PRKCE: variants seen among roughly 807,000 people sequenced by gnomAD.
PRKCE encodes protein kinase C epsilon type.
PRKCE carries 16 observed loss-of-function variants against 85.4 expected under a neutral mutation model. The observed-to-expected ratio is 0.19, with a 90% CI of 0.13 to 0.28. PRKCE has a LOEUF of 0.28. Among genes scored for constraint, PRKCE ranks in the 10% least tolerant of loss-of-function variants. PRKCE has a pLI of 1.00. For missense variants in PRKCE, 573 were observed against 975.2 expected (o/e 0.59, Z 5.49); for synonymous variants, 388 against 371.5 (o/e 1.04, Z -0.51).
Position 45,697,473 on chromosome 2 carries a change from T to G in PRKCE, c.348+45025T>G, listed in dbSNP as rs1678250523. ...ACTAACAAACAAAACCAAACCAGAG[T>G]GGAAATGGCAACCCGAGGCTCCCCA... On this transcript the variant is annotated intron_variant, in intron 1 of 14. Coordinates refer to ENST00000306156, the MANE Select transcript of PRKCE (RefSeq NM_005400.3). This position sits in a 1 kb window ranked among gnomAD's most constrained non-coding sequence, Gnocchi z 4.2. 6.6e-6 allele frequency among the ~76,000 whole-genome samples: 1 copy of G among 151,808 alleles called. No individual in the cohort carries two copies. Among genetic ancestry groups the G allele is most frequent in the African/African-American group, 2.4e-5 (1 of 41,284 alleles).
rs770491886 is a variant in PRKCE at position 46,010,385 on chromosome 2, T to G, written c.1305T>G (p.Ala435=). The change falls in exon 10 of 15, where the codon GCT becomes GCG. Residue 435 remains alanine, a synonymous_variant. Transcript: ENST00000306156. ...TCAAGGGCAAAGATGAAGTATATGCTGTGAAGGTCTTAAAGAAGGACGTCA... is the reference window on the plus strand; with the variant it reads ...TCAAGGGCAAAGATGAAGTATATGCGGTGAAGGTCTTAAAGAAGGACGTCA... The part of the protein sequence containing the change: ...AELKGKDEVY[A]VKVLKKDVIL... 19 of 1,599,660 alleles carry G rather than the reference T, an allele frequency of 1.2e-5. No individual in the cohort carries two copies. The South Asian group carries it at 2.0e-4, about 17-fold the overall frequency.
chr2:45,981,623 T>C (rs183924801), intron 5 of PRKCE, among the ~76,000 whole-genome samples: 71 of 152,326 alleles, frequency 4.7e-4, no homozygotes, highest in Admixed American at 3.8e-3. Flanking sequence ...CACCTGCACC[T>C]CCCGACTCCT....
chr2:45,813,483 T>C (rs917256839), intron 1 of PRKCE, among the ~76,000 whole-genome samples: 5 of 152,172 alleles, frequency 3.3e-5, no homozygotes, highest in Non-Finnish European at 7.4e-5. Flanking sequence ...TAGTTTGTTA[T>C]CCCCTTTCCT....
intron 1 of PRKCE, among the ~76,000 whole-genome samples, chr2:45,775,668 G>C (rs1026737628): frequency 6.6e-6 from 1 of 152,142 alleles, no homozygotes; most frequent in East Asian, 1.9e-4. Context: ...CAGGGAACTT[G>C]CAGTCACCTC....
At chr2:46,105,770 G>A (rs1423500884) in intron 11 of PRKCE, among the ~76,000 whole-genome samples, 2 of 152,124 alleles carry the variant, frequency 1.3e-5, no homozygotes, top group African/African-American at 4.8e-5. Flanking sequence ...CAACACTTGA[G>A]CTTACCACAA....
chr2:46,003,397 T>C (rs972479271), intron 7 of PRKCE, among the ~76,000 whole-genome samples: 2 of 152,236 alleles, frequency 1.3e-5, no homozygotes, highest in Admixed American at 1.3e-4. Flanking sequence ...TATGCCAGCA[T>C]CTATGCGAAG....
chr2:45,948,070 T>C (rs987071820), intron 2 of PRKCE, among the ~76,000 whole-genome samples: 8 of 152,236 alleles, frequency 5.3e-5, no homozygotes, highest in African/African-American at 1.9e-4. Flanking sequence ...AGGCACTGGC[T>C]GATAACTGGA....
chr2:46,121,333 T>TGG (rs142549595), intron 11 of PRKCE, among the ~76,000 whole-genome samples: 1 of 152,238 alleles, frequency 6.6e-6, no homozygotes, highest in Admixed American at 6.5e-5. Context: ...TATGGCCTCT[T>TGG]GGGGCCAGAC....
At chr2:46,006,166 A>G (rs911962477) in intron 8 of PRKCE, among the ~76,000 whole-genome samples, 2 of 152,264 alleles carry the variant, frequency 1.3e-5, no homozygotes, top group Non-Finnish European at 2.9e-5. Context: ...CGACATTATT[A>G]CAGAACAGAA....
At chr2:45,979,933 C>T (rs1702752300) in intron 4 of PRKCE, among the ~76,000 whole-genome samples, 1 of 152,064 alleles carries the variant, frequency 6.6e-6, no homozygotes, top group African/African-American at 2.4e-5. Flanking sequence ...GAGTGGGGTG[C>T]GAGGCCACTA....
At chr2:45,962,212 T>C (rs1701430938) in intron 2 of PRKCE, among the ~76,000 whole-genome samples, 1 of 152,182 alleles carries the variant, frequency 6.6e-6, no homozygotes, top group African/African-American at 2.4e-5. Flanking sequence ...GGAAGGTGAA[T>C]TTTAGGAAAG....
intron 2 of PRKCE, among the ~76,000 whole-genome samples, chr2:45,916,898 G>T (rs1165474476): frequency 6.6e-6 from 1 of 152,138 alleles, no homozygotes; most frequent in African/African-American, 2.4e-5. Context: ...CTTCTTTCTG[G>T]TGGGTTCGTG....
intron 1 of PRKCE, among the ~76,000 whole-genome samples, chr2:45,822,877 A>C (rs1339914323): frequency 6.6e-6 from 1 of 152,220 alleles, no homozygotes; most frequent in African/African-American, 2.4e-5. Context: ...TCTCATTAGT[A>C]ATTACCCTTC....
chr2:45,839,069 A>T (rs6761314), intron 1 of PRKCE, among the ~76,000 whole-genome samples: 69,140 of 151,436 alleles, frequency 0.46, 15,995 homozygotes, highest in Middle Eastern at 0.56. Context: ...TCAGGCCACA[A>T]GGCCGCTAAG....
intron 2 of PRKCE, among the ~76,000 whole-genome samples, chr2:45,928,966 G>T (rs1397681825): frequency 6.6e-6 from 1 of 152,158 alleles, no homozygotes; most frequent in African/African-American, 2.4e-5. Flanking sequence ...TTGTAGGCGG[G>T]AGCAGCCTTT....
chr2:45,967,819 C>G (rs1378722149), intron 2 of PRKCE, among the ~76,000 whole-genome samples: 3 of 151,940 alleles, frequency 2.0e-5, no homozygotes, highest in Non-Finnish European at 2.9e-5. Context: ...AACAGTGGCT[C>G]AGAGATATTA....
chr2:45,780,542 G>A lies in PRKCE; in HGVS notation c.349-62458G>A, dbSNP rs77979911. On this transcript the variant is annotated intron_variant, in intron 1 of 14. Transcript: ENST00000306156. ...GACCAAGAGCCAGAGTGGTGGGATT[G>A]AAGAAAGAAGGACACATCTCACTGG... Among the ~76,000 whole-genome samples, 20 of 152,324 alleles carry A rather than the reference G, an allele frequency of 1.3e-4. 1 individual carries two copies. The East Asian group carries it at 3.1e-3, about 24-fold the overall frequency.
chr2:45,734,765 C>T (rs777618426), intron 1 of PRKCE, among the ~76,000 whole-genome samples: 4 of 152,198 alleles, frequency 2.6e-5, no homozygotes, highest in African/African-American at 7.2e-5. Flanking sequence ...GGGCTGCTGA[C>T]AGCTTGCAGC....
At chr2:45,806,610 C>A (rs1688262878) in intron 1 of PRKCE, among the ~76,000 whole-genome samples, 1 of 152,304 alleles carries the variant, frequency 6.6e-6, no homozygotes, top group South Asian at 2.1e-4. Flanking sequence ...TAAGCACAGG[C>A]AACCACCCTT....
Sources: allele counts gnomAD v4.1 joint callset (sites outside exome capture counted in the v4.1 genomes callset), GRCh38; gene constraint gnomAD v4.1.1; non-coding constraint Gnocchi (gnomAD v3.1); transcripts MANE v1.5; gene names NCBI Gene and HGNC (gene_info 2026-07-23, HGNC 2026-07-21).